The following NAV2 variants were observed in gnomAD, a reference collection of about 807,000 sequenced individuals.
NAV2 encodes neuron navigator 2.
A neutral mutation model predicts 223.2 loss-of-function variants in NAV2; 54 were observed. The observed-to-expected ratio is 0.24, with a 90% CI of 0.19 to 0.30. NAV2 has a LOEUF of 0.30. Among genes scored for constraint, NAV2 ranks in the 10% least tolerant of loss-of-function variants. The pLI is 1.00. For synonymous variants in NAV2, 1,279 were observed against 1,239.3 expected (o/e 1.03, Z -0.67); for missense variants, 2,806 against 3,147.5 (o/e 0.89, Z 2.60).
intron 12 of NAV2, among the ~76,000 whole-genome samples, chr11:20,043,094 G>A (rs138899157): frequency 2.0e-5 from 3 of 152,274 alleles, no homozygotes; most frequent in Non-Finnish European, 4.4e-5. Context: ...TTGGCTCTCC[G>A]CATTTGGGGG....
At chr11:20,063,847 T>C (rs923031688) in intron 20 of NAV2, among the ~76,000 whole-genome samples, 15 of 152,182 alleles carry the variant, frequency 9.9e-5, no homozygotes, top group Non-Finnish European at 1.9e-4. Context: ...CAGAATACAC[T>C]GTGTATAGCT....
chr11:20,002,572 A>G (rs2052654911), intron 11 of NAV2, among the ~76,000 whole-genome samples: 1 of 152,142 alleles, frequency 6.6e-6, no homozygotes, highest in South Asian at 2.1e-4. Flanking sequence ...TGAGGGAGAG[A>G]AACAGCAGTC....
At chr11:19,398,766 C>T (rs1849567208) in intron 1 of NAV2, among the ~76,000 whole-genome samples, 1 of 152,198 alleles carries the variant, frequency 6.6e-6, no homozygotes, top group Admixed American at 6.5e-5. Context: ...CTGTTAATCT[C>T]CTGCTCCCAA....
intron 6 of NAV2, among the ~76,000 whole-genome samples, chr11:19,927,024 T>G (rs2044820485): frequency 6.6e-6 from 1 of 152,242 alleles, no homozygotes; most frequent in South Asian, 2.1e-4. Flanking sequence ...TTAGAAAGCA[T>G]TTTGGTTCCT....
chr11:19,934,437 A>G (rs150395015), intron 7 of NAV2, among the ~76,000 whole-genome samples, 160 bp downstream of exon 7: 2 of 152,306 alleles, frequency 1.3e-5, no homozygotes, highest in Non-Finnish European at 2.9e-5. Context: ...AGCAGACACA[A>G]TGTGCTCCAG....
intron 11 of NAV2, among the ~76,000 whole-genome samples, chr11:20,015,943 C>G (rs1046381290): frequency 2.0e-5 from 3 of 152,280 alleles, no homozygotes; most frequent in Admixed American, 2.0e-4. Context: ...TGCCGTGTCA[C>G]GGAAATCAAA....
intron 9 of NAV2, among the ~76,000 whole-genome samples, chr11:19,947,015 G>T (rs2046990354): frequency 6.6e-6 from 1 of 152,142 alleles, no homozygotes; most frequent in African/African-American, 2.4e-5. Context: ...GGAAACATCA[G>T]GTGCTTTCAT....
intron 10 of NAV2, among the ~76,000 whole-genome samples, chr11:19,959,873 C>T (rs10741804): frequency 0.59 from 89,500 of 152,040 alleles, 28,264 homozygotes; most frequent in Middle Eastern, 0.7. Flanking sequence ...TTCTTCCCCC[C>T]CCACCATCTG....
At chr11:19,969,238 C>A (rs1029146826) in intron 10 of NAV2, among the ~76,000 whole-genome samples, 2 of 152,178 alleles carry the variant, frequency 1.3e-5, no homozygotes, top group Non-Finnish European at 2.9e-5. Context: ...AAATGAAACT[C>A]GCTTCAGCTC....
chr11:19,831,243 T>TGGG (rs1565392533), intron 1 of NAV2, among the ~76,000 whole-genome samples: 2 of 1,864 alleles, frequency 1.1e-3, no homozygotes, highest in African/African-American at 2.3e-3. Context: ...GGGGGCGCGA[T>TGGG]GGGGAGTGGG....
intron 1 of NAV2, among the ~76,000 whole-genome samples, chr11:19,609,493 G>A (rs1021980681): frequency 6.6e-6 from 1 of 152,144 alleles, no homozygotes; most frequent in African/African-American, 2.4e-5. Flanking sequence ...GTAAGGAAAA[G>A]TATTACAGGT....
intron 1 of NAV2, among the ~76,000 whole-genome samples, chr11:19,460,744 A>C (rs1213226447): frequency 6.6e-6 from 1 of 152,110 alleles, no homozygotes; most frequent in East Asian, 1.9e-4. Flanking sequence ...ATATGTAACA[A>C]ACCTGCATGT....
chr11:19,453,566 C>A (rs79386200), intron 1 of NAV2, among the ~76,000 whole-genome samples: 1 of 152,214 alleles, frequency 6.6e-6, no homozygotes, highest in Non-Finnish European at 1.5e-5. Context: ...CATGGGCTGC[C>A]TGGATCAGCC....
At chr11:20,097,492 A>G in intron 30 of NAV2, 85 bp from the exon 31 acceptor site, 2 of 1,105,778 alleles carry the variant, frequency 1.8e-6, no homozygotes, top group South Asian at 3.5e-5. Flanking sequence ...AGAGAATATG[A>G]TCATAAATCA....
intron 1 of NAV2, among the ~76,000 whole-genome samples, chr11:19,376,940 A>T (rs543766357): frequency 1.3e-4 from 20 of 152,308 alleles, no homozygotes; most frequent in African/African-American, 4.8e-4. Flanking sequence ...TGTCACTTTT[A>T]GTTGAGCTCA....
intron 1 of NAV2, among the ~76,000 whole-genome samples, chr11:19,471,647 C>T (rs2041968442): frequency 6.6e-6 from 1 of 152,194 alleles, no homozygotes; most frequent in Non-Finnish European, 1.5e-5. Flanking sequence ...CATTACCTTC[C>T]ATTACCTCTC....
At chr11:19,696,177 A>G (rs756202262) in intron 1 of NAV2, among the ~76,000 whole-genome samples, 1 of 152,022 alleles carries the variant, frequency 6.6e-6, no homozygotes, top group Non-Finnish European at 1.5e-5. Flanking sequence ...AAAAAAAAAT[A>G]AAAAAAATAA....
At chr11:19,534,259 A>G (rs1424550845) in intron 1 of NAV2, among the ~76,000 whole-genome samples, 2 of 151,848 alleles carry the variant, frequency 1.3e-5, no homozygotes, top group African/African-American at 4.8e-5. Flanking sequence ...CTCCCCCATT[A>G]GACTGTGGGA....
intron 1 of NAV2, among the ~76,000 whole-genome samples, chr11:19,788,114 T>C (rs1336211813): frequency 6.6e-6 from 1 of 152,200 alleles, no homozygotes; most frequent in East Asian, 1.9e-4. Flanking sequence ...CCCACTTCTG[T>C]AAGTCGGGGT....
Sources: allele counts gnomAD v4.1 joint callset (sites outside exome capture counted in the v4.1 genomes callset), GRCh38; gene constraint gnomAD v4.1.1; transcripts MANE v1.5; gene names NCBI Gene and HGNC (gene_info 2026-07-23, HGNC 2026-07-21).